The following KCNMA1 variants were observed in gnomAD, a reference collection of about 807,000 sequenced individuals.
KCNMA1 encodes Calcium-activated potassium channel subunit alpha-1.
Under a neutral mutation model 140.0 loss-of-function variants are expected in KCNMA1, and 29 were observed. The observed-to-expected ratio is 0.21, with a 90% CI of 0.15 to 0.28. The LOEUF (loss-of-function observed/expected upper bound fraction) is 0.28. Among genes scored for constraint, KCNMA1 ranks in the 10% least tolerant of loss-of-function variants. The probability of loss-of-function intolerance (pLI) is 1.00; values close to 1 mark genes in which losing one functional copy is unlikely to be tolerated. For missense variants in KCNMA1, 880 were observed against 1,602.2 expected, an observed-to-expected ratio of 0.55 and a Z score of 7.70; for synonymous variants, 612 against 611.9, an observed-to-expected ratio of 1.00 and a Z score of 0.00.
chr10:77,011,619 C>T lies in KCNMA1; in HGVS notation c.2092+348G>A, dbSNP rs141324590. 3.8e-3 allele frequency among the ~76,000 whole-genome samples: 582 copies of T among 152,266 alleles called. 5 individuals carry two copies. Among genetic ancestry groups the T allele is most frequent in the African/African-American group, 0.013 (535 of 41,564 alleles). On this transcript the variant is annotated intron_variant, in intron 18 of 27. Coordinates refer to ENST00000286628, the MANE Select transcript of KCNMA1 (RefSeq NM_001161352.2). Reference sequence around the variant, plus strand: ...GGGACCCCCAATCCACTGGAAATCACGATACAAAAACACTTTGTGCTCTGT... The same window carrying T: ...GGGACCCCCAATCCACTGGAAATCATGATACAAAAACACTTTGTGCTCTGT...
In KCNMA1 at chr10:77,319,678, G is replaced by A. The variant is rs539368245; in HGVS notation, c.541-68422C>T. Among the ~76,000 whole-genome samples the A allele has an allele frequency of 3.0e-4, 45 of 152,312 alleles. 1 individual carries two copies. The South Asian group carries it at 9.1e-3, about 31-fold the overall frequency. The stretch of plus-strand genomic sequence containing the variant: ...GCTGAGTGCTGAGTGGTTTGCTCTA[G>A]CCAATGTAACATGAGCCACATGATG... On this transcript the variant is annotated intron_variant, in intron 2 of 27. Transcript: ENST00000286628.
intron 1 of KCNMA1, among the ~76,000 whole-genome samples, chr10:77,555,288 C>T (rs1477939949): frequency 6.6e-6 from 1 of 152,174 alleles, no homozygotes; most frequent in African/African-American, 2.4e-5. Flanking sequence ...TTTCTTGAAA[C>T]TTGATTTCAG....
chr10:76,877,831 G>T lies in KCNMA1; in HGVS notation c.3487C>A (p.Pro1163Thr), dbSNP rs199923351. 1.2e-3 allele frequency: 1,966 copies of T among 1,606,790 alleles called. 6 individuals carry two copies. Among genetic ancestry groups the T allele is most frequent in the Non-Finnish European group, 1.4e-3 (1,703 of 1,176,442 alleles). Residue 1163 changes from proline to threonine, a missense_variant, in exon 30 of 30, where the codon CCC becomes ACC. By Grantham distance (38) the Pro-to-Thr change is conservative (BLOSUM62 -1). Transcript: ENST00000372403. ...TGGTTAGCCATGTGGGTACTCATGG[G>T]CTTGATTTGAATGTTTCTGGGATAG...
In KCNMA1 at chr10:77,457,526, T is replaced by C. The variant is rs544415703; in HGVS notation, c.379-53503A>G. Among the ~76,000 whole-genome samples, 8 of 152,260 alleles carry C rather than the reference T, an allele frequency of 5.3e-5. No homozygotes were observed. The East Asian group carries it at 1.5e-3, about 29-fold the overall frequency. ...GAGTTCTAGAAAACCAGCTCCTCCCTTCCCCCTCTAGCCCTAGGATGCTAG... is the reference window on the plus strand; with the variant it reads ...GAGTTCTAGAAAACCAGCTCCTCCCCTCCCCCTCTAGCCCTAGGATGCTAG... On this transcript the variant is annotated intron_variant, in intron 1 of 27. Transcript: ENST00000286628.
intron 1 of KCNMA1, 143 bp downstream of exon 1, chr10:77,637,122 C>G (rs2093834511): frequency 7.9e-7 from 1 of 1,269,310 alleles, no homozygotes; most frequent in East Asian, 2.6e-5. Context: ...ACCGGGAGAG[C>G]CGAGGGAAGG....
At chr10:77,267,576 G>A (rs1019005169) in intron 2 of KCNMA1, among the ~76,000 whole-genome samples, 1 of 152,138 alleles carries the variant, frequency 6.6e-6, no homozygotes, top group Non-Finnish European at 1.5e-5. Flanking sequence ...TCCAAGGCAG[G>A]AAGATTTTTC....
chr10:77,300,860 C>T (rs958189711), intron 2 of KCNMA1, among the ~76,000 whole-genome samples: 2 of 152,296 alleles, frequency 1.3e-5, no homozygotes, highest in African/African-American at 4.8e-5. Flanking sequence ...TTGCCAGATC[C>T]TTAGGGAGCA....
intron 2 of KCNMA1, among the ~76,000 whole-genome samples, chr10:77,274,010 C>T (rs1156373469): frequency 6.6e-6 from 1 of 152,182 alleles, no homozygotes; most frequent in Non-Finnish European, 1.5e-5. Flanking sequence ...TCTCTTGAGC[C>T]TGGAAGGTTT....
chr10:77,039,643 G>A lies in KCNMA1; in HGVS notation c.1750-6C>T, dbSNP rs1475541628. On this transcript the variant is annotated splice_region_variant and splice_polypyrimidine_tract_variant and intron_variant, in intron 14 of 27. Transcript: ENST00000286628. ...TGCCATGTGTCTTCCTCAATCTAAA[G>A]GAAAGGAACACATGCGGAGAGTTTA... The A allele has an allele frequency of 3.9e-6, 6 of 1,543,010 alleles. No homozygotes were observed. The African/African-American group carries it at 8.2e-5, about 21-fold the overall frequency.
At chr10:77,086,376 G>T in intron 11 of KCNMA1, 112 bp downstream of exon 11, 1 of 781,208 alleles carries the variant, frequency 1.3e-6, no homozygotes. Context: ...TAGGTGTTTA[G>T]GAGATGACTC....
chr10:77,034,937 T>C (rs1379434826), intron 15 of KCNMA1, among the ~76,000 whole-genome samples: 1 of 152,192 alleles, frequency 6.6e-6, no homozygotes, highest in Admixed American at 6.5e-5. Context: ...GAACACAGTG[T>C]TCTTGAGGCA....
At chr10:77,295,785 CT>C (rs1429814796) in intron 2 of KCNMA1, among the ~76,000 whole-genome samples, 1 of 23,918 alleles carries the variant, frequency 4.2e-5, no homozygotes, top group African/African-American at 2.2e-4. Flanking sequence ...GAGACTCCGT[CT>C]CAAAAAAAAA....
intron 24 of KCNMA1, 169 bp from the exon 25 acceptor site, chr10:76,910,265 G>T: frequency 1.5e-6 from 1 of 686,848 alleles, no homozygotes; most frequent in Non-Finnish European, 2.5e-6. Context: ...GGGACTCAAT[G>T]GACTGTTCCT....
chr10:76,922,200 C>T (rs968596708), intron 23 of KCNMA1, among the ~76,000 whole-genome samples: 23 of 152,160 alleles, frequency 1.5e-4, no homozygotes, highest in East Asian at 1.9e-4. Context: ...GCTAGAAACA[C>T]GAGAGTTTTC....
At chr10:77,022,422 C>T (rs919035340) in intron 16 of KCNMA1, among the ~76,000 whole-genome samples, 3 of 152,218 alleles carry the variant, frequency 2.0e-5, no homozygotes, top group Non-Finnish European at 4.4e-5. Flanking sequence ...TTTGACCTTA[C>T]TGGTTTCAAC....
intron 2 of KCNMA1, among the ~76,000 whole-genome samples, chr10:77,335,271 T>A (rs977049854): frequency 2.6e-5 from 4 of 152,208 alleles, no homozygotes; most frequent in African/African-American, 9.6e-5. Context: ...AGAGTCCCTG[T>A]TCCACACTGC....
At chr10:76,972,650 C>T (rs995559900) in intron 19 of KCNMA1, among the ~76,000 whole-genome samples, 3 of 152,182 alleles carry the variant, frequency 2.0e-5, no homozygotes, top group South Asian at 4.1e-4. Context: ...GATCATCCAT[C>T]GTAATCATAC....
In KCNMA1 at chr10:77,416,839, T is replaced by C. The variant is rs555487957; in HGVS notation, c.379-12816A>G. Among the ~76,000 whole-genome samples the C allele has an allele frequency of 3.3e-5, 5 of 152,330 alleles. No homozygotes were observed. In the South Asian group the frequency reaches 1.0e-3, roughly 32 times the overall value. ...TGAAATAATAAATGAAGAAATTCTG[T>C]TTTTTGTTCTGTCCTGCTTTGTTTT... On this transcript the variant is annotated intron_variant, in intron 1 of 27. Transcript: ENST00000286628.
At chr10:77,539,567 G>T (rs137931381) in intron 1 of KCNMA1, among the ~76,000 whole-genome samples, 1 of 152,098 alleles carries the variant, frequency 6.6e-6, no homozygotes. Context: ...TCATCCCCAG[G>T]TGTCCCCACC....
Sources: gnomAD v4.1 joint callset for allele counts (sites outside exome capture counted in the v4.1 genomes callset) on GRCh38, gnomAD v4.1.1 for gene constraint, MANE v1.5 for transcripts, NCBI Gene and HGNC (gene_info 2026-07-23, HGNC 2026-07-21) for gene names.